TGM6: variants seen among roughly 807,000 people sequenced by gnomAD.
TGM6 encodes protein-glutamine gamma-glutamyltransferase 6.
A neutral mutation model predicts 77.5 loss-of-function variants in TGM6; 74 were observed. That is an observed-to-expected ratio of 0.96 (90% CI 0.79 to 1.16). TGM6 has a LOEUF of 1.16. Ranked by LOEUF, TGM6 falls within the 50% of genes most tolerant of loss-of-function variation. TGM6 has a pLI of 0.00. For synonymous variants in TGM6, 383 were observed against 378.9 expected, an observed-to-expected ratio of 1.01 and a Z score of -0.12; for missense variants, 968 against 940.2, an observed-to-expected ratio of 1.03 and a Z score of -0.39.
intron 1 of TGM6, among the ~76,000 whole-genome samples, chr20:2,385,700 C>A (rs933919395): frequency 8.5e-5 from 13 of 152,140 alleles, no homozygotes; most frequent in African/African-American, 2.4e-4. Context: ...GGAGCGTGAG[C>A]AGCTGACAGG....
chr20:2,405,072 T>G (rs959436874), intron 9 of TGM6, among the ~76,000 whole-genome samples: 2 of 152,202 alleles, frequency 1.3e-5, no homozygotes, highest in East Asian at 3.8e-4. Context: ...CTTCTCCAGG[T>G]GGTGCTGGCT....
intron 9 of TGM6, among the ~76,000 whole-genome samples, chr20:2,409,979 G>T (rs1296131541): frequency 1.3e-5 from 2 of 152,156 alleles, no homozygotes; most frequent in Non-Finnish European, 2.9e-5. Flanking sequence ...ATAGAGTGTG[G>T]TTTTTAAAGA....
intron 1 of TGM6, among the ~76,000 whole-genome samples, chr20:2,393,243 A>G (rs2084640346): frequency 6.6e-6 from 1 of 152,258 alleles, no homozygotes; most frequent in Non-Finnish European, 1.5e-5. Flanking sequence ...CTGAAGCTGA[A>G]CAGGCAATAT....
intron 10 of TGM6, among the ~76,000 whole-genome samples, chr20:2,424,430 AC>A (rs1309257163): frequency 6.6e-6 from 1 of 152,142 alleles, no homozygotes; most frequent in Non-Finnish European, 1.5e-5. Context: ...AACCTTATGA[AC>A]CAACCTGTGC....
chr20:2,392,516 C>T (rs2084635919), intron 1 of TGM6, among the ~76,000 whole-genome samples: 1 of 152,306 alleles, frequency 6.6e-6, no homozygotes, highest in African/African-American at 2.4e-5. Flanking sequence ...GATGATTGAG[C>T]TCTCATGTTA....
rs1045475868 is a variant in TGM6 at position 2,430,521 on chromosome 20, C to G, written c.1754C>G (p.Ala585Gly). 7 of 1,614,074 alleles carry G rather than the reference C, an allele frequency of 4.3e-6. No individual in the cohort carries two copies. Among genetic ancestry groups the G allele is most frequent in the African/African-American group, 4.0e-5 (3 of 74,916 alleles). The change falls in exon 11 of 13, where the codon GCT (alanine) becomes GGT (glycine). Residue 585 changes from alanine (A) to glycine (G), a missense_variant. Transcript: ENST00000202625. ...ACAGAGGACAAGAAGATCCTGTTGGCTGCCATGTGCCTTGTCACCAAAGGA... is the reference window on the plus strand; with the variant it reads ...ACAGAGGACAAGAAGATCCTGTTGGGTGCCATGTGCCTTGTCACCAAAGGA... ...DLTEDKKILL[A>G]AMCLVTKGEK...
Position 2,403,810 on chromosome 20 carries a change from C to T in TGM6, c.1323C>T (p.Tyr441=). The T allele has an allele frequency of 6.2e-7, 1 of 1,614,142 alleles. No individual in the cohort carries two copies. Among genetic ancestry groups the T allele is most frequent in the Non-Finnish European group, 8.5e-7 (1 of 1,180,032 alleles). ...CCCGCGTGGACATCACTGACCTCTA[C>T]AAGTATCCGGAAGGTAAGGGCCACA... ...SDSRVDITDL[Y]KYPEGSRKER... The change falls in exon 9 of 13, where the codon TAC becomes TAT. Residue 441 remains tyrosine (Y), a synonymous_variant. Transcript: ENST00000202625.
chr20:2,387,608 C>T (rs2084604642), intron 1 of TGM6, among the ~76,000 whole-genome samples: 1 of 152,236 alleles, frequency 6.6e-6, no homozygotes, highest in Non-Finnish European at 1.5e-5. Flanking sequence ...ATTGAGACCA[C>T]AGCACCAGCC....
rs574303292 is a variant in TGM6, at chr20:2,404,257, G to T, written c.1336+434G>T. 3.3e-5 allele frequency among the ~76,000 whole-genome samples: 5 copies of T among 152,326 alleles called. No individual in the cohort carries two copies. In the South Asian group the frequency reaches 1.0e-3, roughly 32 times the overall value. ...CTGTTTAGCATCTGCCAGGGCCTGT[G>T]CCGTGATACCAATTTATGGCCATTG... On this transcript the variant is annotated intron_variant, in intron 9 of 12. Coordinates refer to ENST00000202625, the MANE Select transcript of TGM6 (RefSeq NM_198994.3).
intron 1 of TGM6, among the ~76,000 whole-genome samples, chr20:2,392,355 G>A (rs2084634629): frequency 6.6e-6 from 1 of 152,216 alleles, no homozygotes; most frequent in South Asian, 2.1e-4. Flanking sequence ...CCTTCTGGAG[G>A]AAGCCTTGCT....
intron 10 of TGM6, among the ~76,000 whole-genome samples, chr20:2,424,223 G>C (rs1297231316): frequency 6.6e-6 from 1 of 152,170 alleles, no homozygotes; most frequent in Non-Finnish European, 1.5e-5. Flanking sequence ...ATTGACTTCT[G>C]TCCCGCTATG....
At chr20:2,403,355 C>T (rs1465756761) in intron 7 of TGM6, 42 bp from the exon 8 acceptor site, 2 of 1,608,404 alleles carry the variant, frequency 1.2e-6, no homozygotes, top group South Asian at 2.2e-5. Flanking sequence ...CCTTCCTATG[C>T]CCTCACTCTA....
intron 3 of TGM6, among the ~76,000 whole-genome samples, chr20:2,395,854 A>C (rs922973578): frequency 2.0e-5 from 3 of 152,206 alleles, no homozygotes; most frequent in Non-Finnish European, 4.4e-5. Flanking sequence ...AGGCCTTAGT[A>C]AGGGGTGGCC....
At chr20:2,420,839 T>C (rs2084851064) in intron 10 of TGM6, among the ~76,000 whole-genome samples, 1 of 147,468 alleles carries the variant, frequency 6.8e-6, no homozygotes, top group African/African-American at 2.6e-5. Flanking sequence ...TTCTTCTTAT[T>C]GCAAAATAGT....
chr20:2,431,714 A>G (rs747328931), intron 12 of TGM6, among the ~76,000 whole-genome samples: 1 of 152,258 alleles, frequency 6.6e-6, no homozygotes. Context: ...GGGTGGGGCC[A>G]GGAAGAAGTC....
Position 2,417,247 on chromosome 20 carries a change from G to T in TGM6, c.1352G>T (p.Arg451Met). ...TGCCCTGCAGGGTCCCGGAAAGAGAGGCAGGTGTACAGCAAGGCGGTGAAC... is the reference window on the plus strand; with the variant it reads ...TGCCCTGCAGGGTCCCGGAAAGAGATGCAGGTGTACAGCAAGGCGGTGAAC... ...YKYPEGSRKERQVYSKAVNRL... is the reference protein window; with the variant it reads ...YKYPEGSRKEMQVYSKAVNRL... Residue 451 changes from arginine to methionine, a missense_variant, in exon 10 of 13, where the codon AGG (arginine) becomes ATG (methionine). Physicochemically the swap from Arg to Met is moderately conservative, Grantham distance 91 (BLOSUM62 -1). Coordinates refer to ENST00000202625, the MANE Select transcript of TGM6 (RefSeq NM_198994.3). The T allele has an allele frequency of 1.2e-6, 2 of 1,604,414 alleles. No individual in the cohort carries two copies. Among genetic ancestry groups the T allele is most frequent in the Non-Finnish European group, 1.7e-6 (2 of 1,175,990 alleles).
intron 1 of TGM6, among the ~76,000 whole-genome samples, chr20:2,384,064 G>A (rs1181372890): frequency 1.4e-5 from 2 of 142,958 alleles, no homozygotes; most frequent in Non-Finnish European, 3.0e-5. Flanking sequence ...CAGAAATTGT[G>A]CCACTGCACT....
intron 1 of TGM6, among the ~76,000 whole-genome samples, chr20:2,387,468 G>A (rs2084603934): frequency 6.6e-6 from 1 of 152,132 alleles, no homozygotes; most frequent in Non-Finnish European, 1.5e-5. Context: ...CCCAATCTTG[G>A]GACACATGTG....
intron 6 of TGM6, 34 bp downstream of exon 6, chr20:2,399,772 T>G: frequency 6.4e-7 from 1 of 1,571,152 alleles, no homozygotes; most frequent in South Asian, 1.1e-5. Context: ...AGGGTACCTG[T>G]GCCCCCAGCT....
Sources: gnomAD v4.1 joint callset for allele counts (sites outside exome capture counted in the v4.1 genomes callset) on GRCh38, gnomAD v4.1.1 for gene constraint, MANE v1.5 for transcripts, NCBI Gene and HGNC (gene_info 2026-07-23, HGNC 2026-07-21) for gene names.